HDAC9: variants seen among roughly 807,000 people sequenced by gnomAD.
HDAC9 encodes histone deacetylase 9, also known as MEF-2 interacting transcription repressor (MITR) protein.
HDAC9 carries 41 observed loss-of-function variants against 139.4 expected under a neutral mutation model. The observed-to-expected ratio is 0.29, with a 90% CI of 0.23 to 0.38. The LOEUF (loss-of-function observed/expected upper bound fraction) is 0.38. HDAC9 is among the 10% of genes least tolerant of loss of function. HDAC9 has a pLI of 1.00. For missense variants in HDAC9, 1,147 were observed against 1,297.0 expected (o/e 0.88, Z 1.78); for synonymous variants, 517 against 476.2 (o/e 1.09, Z -1.12).
chr7:18,778,641 T>C (rs1272088465), intron 16 of HDAC9, among the ~76,000 whole-genome samples: 3 of 152,008 alleles, frequency 2.0e-5, no homozygotes, highest in African/African-American at 4.8e-5. Context: ...TGGATAACAA[T>C]AGGGACTCTC....
chr7:18,280,599 A>C (rs951450296), intron 2 of HDAC9, among the ~76,000 whole-genome samples: 29 of 138,210 alleles, frequency 2.1e-4, no homozygotes, highest in African/African-American at 6.7e-4. Context: ...AAAAAAAAAA[A>C]CAAAAAACAA....
At chr7:18,589,581 A>C (rs1830384194) in intron 3 of HDAC9, among the ~76,000 whole-genome samples, 1 of 152,114 alleles carries the variant, frequency 6.6e-6, no homozygotes, top group Non-Finnish European at 1.5e-5. Flanking sequence ...CATCATATTC[A>C]TGTCATTCAT....
chr7:18,522,833 G>T (rs1805528947), intron 2 of HDAC9, among the ~76,000 whole-genome samples: 1 of 152,122 alleles, frequency 6.6e-6, no homozygotes, highest in Non-Finnish European at 1.5e-5. Flanking sequence ...TTTGTAGGTG[G>T]TAAAAATCAT....
intron 2 of HDAC9, among the ~76,000 whole-genome samples, chr7:18,209,261 A>C (rs544428132): frequency 8.5e-5 from 13 of 152,292 alleles, no homozygotes; most frequent in Non-Finnish European, 1.6e-4. Context: ...ATCACATATT[A>C]CTTTCCATAA....
At chr7:18,844,347 C>T (rs1161697193) in intron 21 of HDAC9, among the ~76,000 whole-genome samples, 1 of 152,126 alleles carries the variant, frequency 6.6e-6, no homozygotes, top group Non-Finnish European at 1.5e-5. Context: ...CCCATTATCA[C>T]TCATATCTCA....
intron 2 of HDAC9, among the ~76,000 whole-genome samples, chr7:18,566,977 T>TATC (rs1462745808): frequency 6.6e-6 from 1 of 152,166 alleles, no homozygotes; most frequent in Non-Finnish European, 1.5e-5. Context: ...GTCCTGAGGT[T>TATC]ATCAGGTCAA....
chr7:18,478,362 C>T (rs955091843), intron 1 of HDAC9, among the ~76,000 whole-genome samples: 1 of 152,222 alleles, frequency 6.6e-6, no homozygotes, highest in Non-Finnish European at 1.5e-5. Context: ...TGAGCCGCCA[C>T]GCCGGGCCAA....
At chr7:18,797,382 C>A (rs565668627) in intron 17 of HDAC9, among the ~76,000 whole-genome samples, 4 of 152,164 alleles carry the variant, frequency 2.6e-5, no homozygotes, top group African/African-American at 9.6e-5. Flanking sequence ...CAAGAAGTTA[C>A]ATTCTTACCT....
At chr7:18,254,727 A>G (rs1795124439) in intron 2 of HDAC9, among the ~76,000 whole-genome samples, 1 of 152,234 alleles carries the variant, frequency 6.6e-6, no homozygotes, top group Admixed American at 6.5e-5. Context: ...TTTATAGCAT[A>G]TTTAATCACA....
chr7:18,165,064 T>C (rs964342521), intron 2 of HDAC9, among the ~76,000 whole-genome samples: 16 of 152,224 alleles, frequency 1.1e-4, no homozygotes, highest in African/African-American at 3.6e-4. Context: ...AGTATTTTAA[T>C]AAATTTAGGA....
chr7:18,130,405 C>T (rs1307168348), intron 1 of HDAC9, among the ~76,000 whole-genome samples: 2 of 152,034 alleles, frequency 1.3e-5, no homozygotes, highest in Non-Finnish European at 2.9e-5. Context: ...GTGCCCAATT[C>T]CCCAAATGTT....
chr7:18,601,316 T>A (rs1468318569), intron 6 of HDAC9, among the ~76,000 whole-genome samples: 2 of 152,224 alleles, frequency 1.3e-5, no homozygotes, highest in Non-Finnish European at 2.9e-5. Flanking sequence ...TATATTAACT[T>A]TCTATCTTGC....
chr7:18,792,694 A>T (rs1792431518), intron 16 of HDAC9, among the ~76,000 whole-genome samples: 3 of 152,216 alleles, frequency 2.0e-5, no homozygotes, highest in South Asian at 4.1e-4. Context: ...CTGACAAATT[A>T]TACTGAAAGT....
At chr7:18,470,332 C>G (rs77584940) in intron 1 of HDAC9, among the ~76,000 whole-genome samples, 1 of 151,926 alleles carries the variant, frequency 6.6e-6, no homozygotes, top group Non-Finnish European at 1.5e-5. Context: ...AAAAAGAAGC[C>G]AAACCAAAAA....
At chr7:18,659,843 A>T (rs2269753) in intron 11 of HDAC9, among the ~76,000 whole-genome samples, 58,259 of 151,520 alleles carry the variant, frequency 0.38, 14,578 homozygotes, top group African/African-American at 0.7. Context: ...GTCTTCTGTT[A>T]TCTAGCCAAC....
chr7:18,109,511 T>A (rs926401287), intron 1 of HDAC9, among the ~76,000 whole-genome samples: 1 of 152,168 alleles, frequency 6.6e-6, no homozygotes, highest in Non-Finnish European at 1.5e-5. Flanking sequence ...ATTAAAAGAA[T>A]TTGAGAAATC....
At chr7:18,218,435 C>T (rs1792464470) in intron 2 of HDAC9, among the ~76,000 whole-genome samples, 1 of 152,032 alleles carries the variant, frequency 6.6e-6, no homozygotes, top group African/African-American at 2.4e-5. Flanking sequence ...CAGGGAGAGA[C>T]TCTGTCTCAA....
At chr7:18,708,926 A>ACATG (rs914287478) in intron 12 of HDAC9, among the ~76,000 whole-genome samples, 8 of 152,138 alleles carry the variant, frequency 5.3e-5, no homozygotes, top group African/African-American at 1.7e-4. Context: ...ACACCCACAC[A>ACATG]CATGCACACA....
At chr7:18,955,763 G>C (rs1783104163) in intron 24 of HDAC9, among the ~76,000 whole-genome samples, 1 of 152,202 alleles carries the variant, frequency 6.6e-6, no homozygotes, top group Non-Finnish European at 1.5e-5. Flanking sequence ...CCTTTCAACT[G>C]GGGGTGAGAG....
Sources: gnomAD v4.1 joint callset for allele counts (sites outside exome capture counted in the v4.1 genomes callset) on GRCh38, gnomAD v4.1.1 for gene constraint, MANE v1.5 for transcripts, NCBI Gene and HGNC (gene_info 2026-07-23, HGNC 2026-07-21) for gene names.